The following SMAD2 variants were observed in gnomAD, a reference collection of about 807,000 sequenced individuals.
The protein encoded by SMAD2 is MAD homolog 2.
A neutral mutation model predicts 64.4 loss-of-function variants in SMAD2; 8 were observed. The observed-to-expected ratio is 0.12, with a 90% CI of 0.07 to 0.22. SMAD2 has a LOEUF of 0.22. SMAD2 is among the 10% of genes least tolerant of loss of function. The probability of loss-of-function intolerance (pLI) is 1.00; values close to 1 mark genes in which losing one functional copy is unlikely to be tolerated. For missense variants in SMAD2, 289 were observed against 561.2 expected, an observed-to-expected ratio of 0.51 and a Z score of 4.90; for synonymous variants, 203 against 195.8, an observed-to-expected ratio of 1.04 and a Z score of -0.31.
chr18:47,922,007 C>G (rs141475705), intron 1 of SMAD2, among the ~76,000 whole-genome samples: 1 of 152,126 alleles, frequency 6.6e-6, no homozygotes, highest in Admixed American at 6.5e-5. Context: ...CTTGACAGTT[C>G]ATCCGGAAGG....
At chr18:47,902,884 A>G (rs2033742528) in intron 1 of SMAD2, among the ~76,000 whole-genome samples, 1 of 152,284 alleles carries the variant, frequency 6.6e-6, no homozygotes, top group South Asian at 2.1e-4. Context: ...TAAATGAAAG[A>G]AAGAAGAAAC....
At chr18:47,907,236 T>C (rs1015943467) in intron 1 of SMAD2, among the ~76,000 whole-genome samples, 3 of 152,196 alleles carry the variant, frequency 2.0e-5, no homozygotes, top group South Asian at 4.1e-4. Flanking sequence ...AGAATGTTCA[T>C]AGTAGCCATG....
intron 6 of SMAD2, among the ~76,000 whole-genome samples, chr18:47,855,780 C>T (rs959721555): frequency 4.6e-5 from 7 of 152,080 alleles, no homozygotes; most frequent in Non-Finnish European, 8.8e-5. Flanking sequence ...TACCAACACA[C>T]CCGGCTAATT....
At chr18:47,929,189 A>C (rs1344060113) in intron 1 of SMAD2, among the ~76,000 whole-genome samples, 1 of 152,194 alleles carries the variant, frequency 6.6e-6, no homozygotes, top group Non-Finnish European at 1.5e-5. Flanking sequence ...TTCATGTATT[A>C]AAACTGTTGA....
intron 2 of SMAD2, among the ~76,000 whole-genome samples, chr18:47,880,671 G>A (rs1223834897): frequency 1.3e-5 from 2 of 152,122 alleles, no homozygotes; most frequent in African/African-American, 2.4e-5. Context: ...CATTTTCTTT[G>A]TTCTTTGTAT....
rs945336641 is a variant in SMAD2 at position 47,825,231 on chromosome 18, C to A, written c.*16596G>T. On this transcript the variant is annotated 3_prime_UTR_variant, in exon 11 of 11. Transcript: ENST00000262160. ...TGAACATTTGGGTAGAAATACTGAGCACTGCTATGGTCTGTCTCCCAAACT... is the reference window on the plus strand; with the variant it reads ...TGAACATTTGGGTAGAAATACTGAGAACTGCTATGGTCTGTCTCCCAAACT... 1 of 152,192 alleles carries A rather than the reference C, an allele frequency of 6.6e-6. No individual in the cohort carries two copies. The highest frequency in any genetic ancestry group is 1.5e-5 in the Non-Finnish European group (1 of 68,044). The allele number at this position is 152,192 out of a possible 1,614,324, so 9.4% of individuals were successfully genotyped here. A position where few individuals can be genotyped will look rare whatever the true frequency, so the allele number is the denominator to read the frequency against.
chr18:47,926,418 T>G (rs764894829), intron 1 of SMAD2, among the ~76,000 whole-genome samples: 1 of 152,204 alleles, frequency 6.6e-6, no homozygotes, highest in East Asian at 1.9e-4. Flanking sequence ...GCTTTGACTA[T>G]TTTTGTGTCT....
intron 1 of SMAD2, among the ~76,000 whole-genome samples, chr18:47,925,466 A>C (rs1010011439): frequency 6.6e-6 from 1 of 152,226 alleles, no homozygotes; most frequent in Non-Finnish European, 1.5e-5. Flanking sequence ...ATTTCTGGCT[A>C]TCTGACCAAA....
intron 7 of SMAD2, among the ~76,000 whole-genome samples, chr18:47,850,211 T>A (rs1460081066): frequency 2.5e-5 from 2 of 79,336 alleles, no homozygotes; most frequent in East Asian, 7.9e-4. Context: ...TATATATTAT[T>A]ATATATATGT....
intron 2 of SMAD2, among the ~76,000 whole-genome samples, chr18:47,896,004 G>A (rs79334961): frequency 1.3e-5 from 2 of 152,168 alleles, no homozygotes; most frequent in Non-Finnish European, 2.9e-5. Flanking sequence ...TAAAGTAACA[G>A]GTCCTCCTAA....
rs1402708788 is a variant in SMAD2 at position 47,840,268 on chromosome 18, A to T, written c.*1559T>A. The T allele has an allele frequency of 4.3e-6, 1 of 233,020 alleles. No homozygotes were observed. The highest frequency in any genetic ancestry group is 8.5e-6 in the Non-Finnish European group (1 of 117,928). The allele number at this position is 233,020 out of a possible 1,614,324, so 14.4% of individuals were successfully genotyped here. A position where few individuals can be genotyped will look rare whatever the true frequency, so the allele number is the denominator to read the frequency against. ...ACCAAAGACAGCTTCAAAAATATGA[A>T]AATTTATGAAAAGACGACCAGGAGT... On this transcript the variant is annotated 3_prime_UTR_variant, in exon 11 of 11. Coordinates refer to ENST00000262160, the MANE Select transcript of SMAD2 (RefSeq NM_005901.6).
At chr18:47,884,834 G>A (rs1568081933) in intron 2 of SMAD2, among the ~76,000 whole-genome samples, 1 of 152,016 alleles carries the variant, frequency 6.6e-6, no homozygotes, top group Non-Finnish European at 1.5e-5. Context: ...ACCAGGTGAT[G>A]ATTGAAAAAA....
chr18:47,856,551 A>C (rs2030700603), intron 6 of SMAD2, among the ~76,000 whole-genome samples: 1 of 152,178 alleles, frequency 6.6e-6, no homozygotes, highest in Admixed American at 6.5e-5. Flanking sequence ...TGCTTCTTCA[A>C]CCTTAACCCA....
chr18:47,874,513 T>C (rs1227895319), intron 2 of SMAD2, among the ~76,000 whole-genome samples: 3 of 152,144 alleles, frequency 2.0e-5, no homozygotes, highest in African/African-American at 7.2e-5. Context: ...ATATGATTTG[T>C]GCACTTCACC....
At position 47,834,880 on chromosome 18, in the gene SMAD2, A is replaced by C. The variant is rs1313983257; in HGVS notation, c.*6947T>G. The C allele has an allele frequency of 4.5e-6, 1 of 222,540 alleles. No homozygotes were observed. The highest frequency in any genetic ancestry group is 9.0e-6 in the Non-Finnish European group (1 of 111,340). The allele number at this position is 222,540 out of a possible 1,614,324, so 13.8% of individuals were successfully genotyped here. On this transcript the variant is annotated 3_prime_UTR_variant, in exon 11 of 11. Coordinates refer to ENST00000262160, the MANE Select transcript of SMAD2 (RefSeq NM_005901.6). ...TGCCAACTGTTTTCCACAGTCCTGCATTATATATTAAAACAAAGGCTGCCA... is the reference window on the plus strand; with the variant it reads ...TGCCAACTGTTTTCCACAGTCCTGCCTTATATATTAAAACAAAGGCTGCCA...
rs551723958 is a variant in SMAD2, at chr18:47,832,886, T to G, written c.*8941A>C. The G allele has an allele frequency of 7.1e-5, 11 of 155,272 alleles. No homozygotes were observed. The highest frequency in any genetic ancestry group is 2.6e-4 in the African/African-American group (11 of 41,616). The allele number at this position is 155,272 out of a possible 1,614,324, so 9.6% of individuals were successfully genotyped here. ...TGGGGTTATATTAAGTAGTATAAAT[T>G]TATCTCCCGGGGGGATAGGATAATC... On this transcript the variant is annotated 3_prime_UTR_variant, in exon 11 of 11. Coordinates refer to ENST00000262160, the MANE Select transcript of SMAD2 (RefSeq NM_005901.6).
intron 6 of SMAD2, among the ~76,000 whole-genome samples, chr18:47,858,121 C>CCA (rs1187418400): frequency 1.3e-5 from 2 of 151,836 alleles, no homozygotes; most frequent in Non-Finnish European, 2.9e-5. Flanking sequence ...CACCCACTAT[C>CCA]CAATTAAAAA....
intron 2 of SMAD2, among the ~76,000 whole-genome samples, chr18:47,872,111 A>T (rs1388796576): frequency 6.6e-6 from 1 of 152,192 alleles, no homozygotes; most frequent in East Asian, 1.9e-4. Context: ...ACTTGCAATC[A>T]ATCTAGAGGC....
intron 1 of SMAD2, among the ~76,000 whole-genome samples, chr18:47,921,858 C>T (rs1598901490): frequency 1.3e-5 from 2 of 152,270 alleles, no homozygotes; most frequent in East Asian, 3.9e-4. Flanking sequence ...TATATTTTAT[C>T]CAACATTTTC....
Sources: gnomAD v4.1 joint callset for allele counts (sites outside exome capture counted in the v4.1 genomes callset) on GRCh38, gnomAD v4.1.1 for gene constraint, MANE v1.5 for transcripts, NCBI Gene and HGNC (gene_info 2026-07-23, HGNC 2026-07-21) for gene names.